Variants in RASGEF1C observed in about 807,000 individuals in gnomAD.
RASGEF1C encodes the protein RasGEF domain family member 1C.
RASGEF1C carries 27 observed loss-of-function variants against 58.1 expected under a neutral mutation model. The observed-to-expected ratio is 0.46, with a 90% CI of 0.34 to 0.64. The LOEUF is 0.64. Ranked by LOEUF, RASGEF1C falls within the 30% of genes least tolerant of loss-of-function variation. RASGEF1C has a pLI of 0.01. For synonymous variants in RASGEF1C, 243 were observed against 246.3 expected (o/e 0.99, Z 0.13); for missense variants, 502 against 605.1 (o/e 0.83, Z 1.79).
intron 1 of RASGEF1C, among the ~76,000 whole-genome samples, chr5:180,159,395 C>T (rs1415938243): frequency 6.6e-6 from 1 of 152,218 alleles, no homozygotes; most frequent in African/African-American, 2.4e-5. Context: ...CTGTTTCAGC[C>T]TCCCAAAGCG....
In RASGEF1C at chr5:180,156,534, C is replaced by G. The variant is rs1348112394; in HGVS notation, c.-6-18476G>C. The stretch of plus-strand genomic sequence containing the variant: ...CCTGTAATCCTAGCACTTTGGGAAG[C>G]TGAGCATGCAGAGTGCTTGAGTCCA... On this transcript the variant is annotated intron_variant, in intron 1 of 13. Coordinates refer to ENST00000361132, the MANE Select transcript of RASGEF1C (RefSeq NM_175062.4). The surrounding 1 kb of genome is among the most constrained non-coding windows in gnomAD (Gnocchi z 4.9). Among the ~76,000 whole-genome samples the G allele has an allele frequency of 3.9e-5, 6 of 152,212 alleles. No homozygotes were observed. The highest frequency in any genetic ancestry group is 1.4e-4 in the African/African-American group (6 of 41,454).
chr5:180,127,854 C>A (rs1170353583), intron 5 of RASGEF1C, among the ~76,000 whole-genome samples, 171 bp from the exon 6 acceptor site: 1 of 152,210 alleles, frequency 6.6e-6, no homozygotes, highest in East Asian at 1.9e-4. Context: ...CAGAGCTCAG[C>A]GCCTTCCCTG....
intron 1 of RASGEF1C, among the ~76,000 whole-genome samples, chr5:180,182,293 G>GTT (rs899018568): frequency 2.7e-5 from 4 of 149,308 alleles, no homozygotes; most frequent in Non-Finnish European, 5.9e-5. Flanking sequence ...TGTGTCTGGA[G>GTT]TTTCTTCCTT....
chr5:180,142,732 G>A (rs1766600732), intron 1 of RASGEF1C, among the ~76,000 whole-genome samples: 1 of 152,120 alleles, frequency 6.6e-6, no homozygotes, highest in Non-Finnish European at 1.5e-5. Flanking sequence ...ACATTCACGT[G>A]GATGAAGACT....
chr5:180,207,538 C>G (rs893530325), intron 1 of RASGEF1C, among the ~76,000 whole-genome samples: 1 of 152,148 alleles, frequency 6.6e-6, no homozygotes, highest in Non-Finnish European at 1.5e-5. Context: ...CTGAAAAGGG[C>G]CAGGTCCCGG....
chr5:180,137,512 C>G lies in RASGEF1C; in HGVS notation c.300+78G>C, dbSNP rs1274783038. The stretch of plus-strand genomic sequence containing the variant: ...AAAACGGGGACAATCATTGCCTCCC[C>G]GAGAGGCTGATGCGTTGAGGGCATG... On this transcript the variant is annotated intron_variant, in intron 3 of 13. Transcript: ENST00000361132. The surrounding 1 kb of genome is among the most constrained non-coding windows in gnomAD (Gnocchi z 4.1). The G allele has an allele frequency of 3.9e-6, 6 of 1,547,232 alleles. No individual in the cohort carries two copies. Among genetic ancestry groups the G allele is most frequent in the African/African-American group, 2.7e-5 (2 of 73,224 alleles).
At chr5:180,182,346 G>A (rs942384764) in intron 1 of RASGEF1C, among the ~76,000 whole-genome samples, 8 of 152,054 alleles carry the variant, frequency 5.3e-5, no homozygotes, top group South Asian at 2.1e-4. Context: ...ATGAAGCCGC[G>A]GACCTTCACG....
intron 11 of RASGEF1C, among the ~76,000 whole-genome samples, chr5:180,113,644 T>G (rs192167055): frequency 0.066 from 1,145 of 17,284 alleles, 2 homozygotes; most frequent in Admixed American, 0.11. Context: ...ATGGACGGAG[T>G]GACCGGGGAT....
At chr5:180,157,123 A>G (rs1170456323) in intron 1 of RASGEF1C, among the ~76,000 whole-genome samples, 1 of 152,250 alleles carries the variant, frequency 6.6e-6, no homozygotes, top group African/African-American at 2.4e-5. Context: ...TACAAAACTA[A>G]ACATACTCTT....
At chr5:180,208,763 AG>A (rs1017900898) in intron 1 of RASGEF1C, among the ~76,000 whole-genome samples, 3 of 151,864 alleles carry the variant, frequency 2.0e-5, no homozygotes, top group Non-Finnish European at 2.9e-5. Context: ...CGCGCCCAGC[AG>A]GGGCTGGCGG....
chr5:180,180,864 CA>C (rs1391875600), intron 1 of RASGEF1C, among the ~76,000 whole-genome samples: 1 of 152,212 alleles, frequency 6.6e-6, no homozygotes, highest in Admixed American at 6.5e-5. Context: ...CTGAAAAGTC[CA>C]CCTGTGCCCC....
chr5:180,148,765 A>G (rs560791500), intron 1 of RASGEF1C, among the ~76,000 whole-genome samples: 43 of 152,344 alleles, frequency 2.8e-4, no homozygotes, highest in African/African-American at 9.4e-4. Flanking sequence ...AGTTATCATA[A>G]TACCAGCTTT....
chr5:180,182,323 G>T (rs969362041), intron 1 of RASGEF1C, among the ~76,000 whole-genome samples: 13 of 151,164 alleles, frequency 8.6e-5, no homozygotes, highest in African/African-American at 3.2e-4. Flanking sequence ...TTGTGGTCTC[G>T]CTGACTTCAA....
chr5:180,182,911 C>T (rs1259880288), intron 1 of RASGEF1C, among the ~76,000 whole-genome samples: 1 of 152,208 alleles, frequency 6.6e-6, no homozygotes, highest in Non-Finnish European at 1.5e-5. Context: ...CTGGTGTACA[C>T]ACCCCATACA....
At chr5:180,159,516 T>C (rs1212369635) in intron 1 of RASGEF1C, among the ~76,000 whole-genome samples, 1 of 152,244 alleles carries the variant, frequency 6.6e-6, no homozygotes, top group Non-Finnish European at 1.5e-5. Context: ...TTTCCTTATT[T>C]GCCCTGCTCT....
chr5:180,159,110 A>G (rs1166217988), intron 1 of RASGEF1C, among the ~76,000 whole-genome samples: 1 of 150,606 alleles, frequency 6.6e-6, no homozygotes, highest in African/African-American at 2.4e-5. Flanking sequence ...CTCTCTGAGA[A>G]CATTAGTAAC....
rs200174941 is a variant in RASGEF1C at position 180,118,718 on chromosome 5, G to A, written c.988-14C>T. On this transcript the variant is annotated splice_polypyrimidine_tract_variant and intron_variant, in intron 9 of 13. Transcript: ENST00000361132. ...GTCCATCTGGTGCTGGAAGGAGACA[G>A]GGAGGCATGTGGGCAGTTCTGTCCA... 1.9e-6 allele frequency: 3 copies of A among 1,614,150 alleles called. No homozygotes were observed. In the African/African-American group the frequency reaches 4.0e-5, roughly 22 times the overall value.
intron 1 of RASGEF1C, among the ~76,000 whole-genome samples, chr5:180,154,518 C>T (rs1766821263): frequency 6.6e-6 from 1 of 152,028 alleles, no homozygotes; most frequent in African/African-American, 2.4e-5. Context: ...CCCGGACCCT[C>T]AAGGGTAAAG....
chr5:180,164,406 T>A (rs1766989135), intron 1 of RASGEF1C, among the ~76,000 whole-genome samples: 2 of 152,216 alleles, frequency 1.3e-5, no homozygotes, highest in Admixed American at 6.5e-5. Flanking sequence ...GATAATTGTA[T>A]CTATTTATGG....
Sources: allele counts gnomAD v4.1 joint callset (sites outside exome capture counted in the v4.1 genomes callset), GRCh38; gene constraint gnomAD v4.1.1; non-coding constraint Gnocchi (gnomAD v3.1); transcripts MANE v1.5; gene names NCBI Gene and HGNC (gene_info 2026-07-23, HGNC 2026-07-21).